Variants in TRPC6 observed in about 807,000 individuals in gnomAD.
TRPC6 encodes the protein transient receptor potential cation channel subfamily C member 6.
Under a neutral mutation model 90.7 loss-of-function variants are expected in TRPC6, and 55 were observed. That is an observed-to-expected ratio of 0.61 (90% confidence interval 0.49 to 0.76). TRPC6 has a LOEUF of 0.76. TRPC6 is among the 30% of genes least tolerant of loss of function. The pLI, the probability that TRPC6 is intolerant of heterozygous loss-of-function variation, is 0.00. For missense variants in TRPC6, 989 were observed against 1,122.7 expected (o/e 0.88, Z 1.70); for synonymous variants, 393 against 393.0 (o/e 1.00, Z 0.00).
chr11:101,467,109 G>A (rs866161759), intron 10 of TRPC6, among the ~76,000 whole-genome samples: 12 of 152,310 alleles, frequency 7.9e-5, no homozygotes, highest in Admixed American at 2.6e-4. Flanking sequence ...TGCCTTCTGC[G>A]TCGATCTTGC....
intron 5 of TRPC6, among the ~76,000 whole-genome samples, chr11:101,480,791 CTA>C (rs1859533832): frequency 6.6e-6 from 1 of 152,110 alleles, no homozygotes; most frequent in Admixed American, 6.6e-5. Flanking sequence ...AAAAAATAAA[CTA>C]TGAGACATGG....
intron 2 of TRPC6, among the ~76,000 whole-genome samples, chr11:101,501,742 G>T (rs1396423473): frequency 6.6e-6 from 1 of 152,080 alleles, no homozygotes; most frequent in African/African-American, 2.4e-5. Flanking sequence ...TTTGTAAAAA[G>T]GCCTTAAAAA....
chr11:101,569,156 G>C (rs966265926), intron 1 of TRPC6, among the ~76,000 whole-genome samples: 1 of 151,580 alleles, frequency 6.6e-6, no homozygotes, highest in African/African-American at 2.4e-5. Flanking sequence ...CAAAATAAAG[G>C]GATGGAGGAA....
intron 2 of TRPC6, among the ~76,000 whole-genome samples, chr11:101,494,895 G>C (rs1859907939): frequency 6.6e-6 from 1 of 152,214 alleles, no homozygotes; most frequent in East Asian, 1.9e-4. Context: ...TTCTACTTGG[G>C]AAATCATTTA....
intron 1 of TRPC6, among the ~76,000 whole-genome samples, chr11:101,559,297 A>C (rs575908862): frequency 5.9e-5 from 9 of 152,314 alleles, no homozygotes; most frequent in Non-Finnish European, 1.3e-4. Context: ...CAGTGATTAG[A>C]CTAATCCCTA....
chr11:101,465,813 G>A (rs12795728), intron 10 of TRPC6, among the ~76,000 whole-genome samples: 13,542 of 152,164 alleles, frequency 0.089, 819 homozygotes, highest in Middle Eastern at 0.16. Flanking sequence ...CTCATTCTCC[G>A]TCTGGTTTTG....
intron 5 of TRPC6, among the ~76,000 whole-genome samples, chr11:101,481,575 G>C (rs1401634293): frequency 1.3e-5 from 2 of 152,068 alleles, no homozygotes; most frequent in Non-Finnish European, 2.9e-5. Flanking sequence ...AGAGACTGTA[G>C]TCACTACCTG....
At chr11:101,467,290 T>G (rs1808498605) in intron 10 of TRPC6, among the ~76,000 whole-genome samples, 1 of 152,200 alleles carries the variant, frequency 6.6e-6, no homozygotes, top group South Asian at 2.1e-4. Flanking sequence ...TATAGGGCTT[T>G]TAGGCCTAGT....
Position 101,548,569 on chromosome 11 carries a change from AAAGT to A in TRPC6, c.170+34761_170+34764del, listed in dbSNP as rs1038212894. On this transcript the variant is annotated intron_variant, in intron 1 of 12. Transcript: ENST00000344327. ...CAAAGAGGTGTCAAGCCATTTAACC[AAAGT>A]AAGAATCCAATTCTATTTTTTAATT... Among the ~76,000 whole-genome samples, 3 of 146,920 alleles carry A rather than the reference AAAGT, an allele frequency of 2.0e-5. No individual in the cohort carries two copies. The Admixed American group carries it at 2.1e-4, about 10-fold the overall frequency.
At position 101,469,448 on chromosome 11, in the gene TRPC6, T is replaced by A. The variant is rs199948731; in HGVS notation, c.2463A>T (p.Lys821Asn). The A allele has an allele frequency of 9.1e-6, 7 of 773,154 alleles. No individual in the cohort carries two copies. Among genetic ancestry groups the A allele is most frequent in the Non-Finnish European group, 1.7e-5 (7 of 413,928 alleles). The allele number at this position is 773,154 out of a possible 1,614,324, so 47.9% of individuals were successfully genotyped here. The change falls in exon 10 of 13, where the codon AAA becomes AAT. Residue 821 changes from lysine (K) to asparagine (N), a missense_variant. Physicochemically the swap from Lys to Asn is moderately conservative, Grantham distance 94. Around this residue, in one of 4 missense-constraint regions of TRPC6, gnomAD observed 191 missense variants for 196.7 expected, o/e 0.97. Coordinates refer to ENST00000344327, the MANE Select transcript of TRPC6 (RefSeq NM_004621.6). ...TTACCTGTTTTTTGTCAAGTGATAA[T>A]TTTGAAAGGTCTTCATGACTTCCTA... ...GILGSHEDLS[K>N]LSLDKKQVGH...
chr11:101,582,375 C>T (rs1862217063), intron 1 of TRPC6, among the ~76,000 whole-genome samples: 1 of 152,064 alleles, frequency 6.6e-6, no homozygotes, highest in Non-Finnish European at 1.5e-5. Context: ...CTGAGAACCT[C>T]GGGAAACCGC....
chr11:101,580,604 A>C (rs1037188354), intron 1 of TRPC6, among the ~76,000 whole-genome samples: 90 of 95,086 alleles, frequency 9.5e-4, no homozygotes, highest in African/African-American at 2.8e-3. Flanking sequence ...CCCCATTACT[A>C]CTGAAGCCCC....
intron 6 of TRPC6, among the ~76,000 whole-genome samples, chr11:101,476,086 G>C (rs1180609502): frequency 2.0e-5 from 3 of 152,152 alleles, no homozygotes; most frequent in Non-Finnish European, 4.4e-5. Context: ...AGGGAGATGA[G>C]TCTTGTGATT....
intron 1 of TRPC6, among the ~76,000 whole-genome samples, chr11:101,572,982 A>G (rs1277203194): frequency 6.8e-6 from 1 of 146,990 alleles, no homozygotes; most frequent in East Asian, 2.0e-4. Context: ...CGTTCTGCAC[A>G]TGTACCCCAG....
intron 1 of TRPC6, among the ~76,000 whole-genome samples, chr11:101,528,800 G>A (rs1258073954): frequency 1.3e-5 from 2 of 152,076 alleles, no homozygotes. Flanking sequence ...CAGACTGAAA[G>A]ATTCTTAGAT....
chr11:101,454,134 G>T (rs1858829875), intron 11 of TRPC6, among the ~76,000 whole-genome samples: 1 of 152,052 alleles, frequency 6.6e-6, no homozygotes. Context: ...ACCAAAAAAT[G>T]GAACCAATTT....
chr11:101,533,353 A>AAG (rs1491535443), intron 1 of TRPC6, among the ~76,000 whole-genome samples: 1 of 151,874 alleles, frequency 6.6e-6, no homozygotes, highest in Non-Finnish European at 1.5e-5. Flanking sequence ...GAATGGGAGC[A>AAG]AGAGAGAGAG....
chr11:101,522,898 G>A (rs1478629726), intron 1 of TRPC6, among the ~76,000 whole-genome samples: 1 of 152,162 alleles, frequency 6.6e-6, no homozygotes. Context: ...AGCTCTATCA[G>A]ACTAAGCAGA....
At chr11:101,503,226 GC>G (rs1343881681) in intron 2 of TRPC6, among the ~76,000 whole-genome samples, 2 of 152,126 alleles carry the variant, frequency 1.3e-5, no homozygotes, top group Non-Finnish European at 2.9e-5. Context: ...ATGGTTAATG[GC>G]AGCATCTGAC....
Sources: allele counts gnomAD v4.1 joint callset (sites outside exome capture counted in the v4.1 genomes callset), GRCh38; gene constraint gnomAD v4.1.1; regional missense constraint gnomAD v4.1.1; transcripts MANE v1.5; gene names NCBI Gene and HGNC (gene_info 2026-07-23, HGNC 2026-07-21).